The following NKAIN4 variants were observed in gnomAD, a reference collection of about 807,000 sequenced individuals.
NKAIN4 encodes sodium/potassium transporting ATPase interacting 4, also known as sodium/potassium-transporting ATPase subunit beta-1-interacting protein 4.
NKAIN4 carries 28 observed loss-of-function variants against 28.8 expected under a neutral mutation model. That is an observed-to-expected ratio of 0.97 (90% confidence interval 0.72 to 1.33). The LOEUF is 1.33. NKAIN4 is among the 40% of genes most tolerant of loss of function. The pLI is 0.00. For synonymous variants in NKAIN4, 122 were observed against 115.6 expected, an observed-to-expected ratio of 1.06 and a Z score of -0.36; for missense variants, 289 against 277.2, an observed-to-expected ratio of 1.04 and a Z score of -0.30.
At chr20:63,254,510 G>GCCCGCTCCC (rs1324967938), upstream of NKAIN4, 4 of 1,166,046 alleles carry the variant, frequency 3.4e-6, no homozygotes, top group East Asian at 1.3e-4. Context: ...CCCCCGCTCC[G>GCCCGCTCCC]CCCGCTCCCC....
At chr20:63,254,271 C>T in intron 1 of NKAIN4, 126 bp downstream of exon 1, 2 of 732,086 alleles carry the variant, frequency 2.7e-6, no homozygotes, top group South Asian at 3.2e-5. Flanking sequence ...CCGAGGCATC[C>T]CCCCTCGGAG....
rs985337548 is a variant in NKAIN4 at position 63,247,807 on chromosome 20, A to T, written c.274-32T>A. ...GAGAGGTGCAGGAGCAGGGCCGGTT[A>T]GCACCAGGAGGTGGGCGGCCTCACC... On this transcript the variant is annotated intron_variant, in intron 3 of 6. Transcript: ENST00000370316. 3 of 1,423,718 alleles carry T rather than the reference A, an allele frequency of 2.1e-6. No homozygotes were observed. In the African/African-American group the frequency reaches 4.3e-5, roughly 21 times the overall value. The allele number at this position is 1,423,718 out of a possible 1,614,324, so 88.2% of individuals were successfully genotyped here. A position where few individuals can be genotyped will look rare whatever the true frequency, so the allele number is the denominator to read the frequency against.
At position 63,248,899 on chromosome 20, in the gene NKAIN4, G is replaced by C. The variant is rs375729685; in HGVS notation, c.193-4C>G. On this transcript the variant is annotated splice_region_variant and splice_polypyrimidine_tract_variant and intron_variant, in intron 2 of 6. Transcript: ENST00000370316. ...AGACGGCTGCCCACAGCGTGTACTA[G>C]GGAGAGGAGAGGATGGGGCGGCAGC... 73 of 1,608,686 alleles carry C rather than the reference G, an allele frequency of 4.5e-5. No homozygotes were observed. Among genetic ancestry groups the C allele is most frequent in the Middle Eastern group, 1.6e-4 (1 of 6,078 alleles).
At chr20:63,249,504 T>C (rs2066919762) in intron 2 of NKAIN4, among the ~76,000 whole-genome samples, 1 of 152,160 alleles carries the variant, frequency 6.6e-6, no homozygotes, top group East Asian at 1.9e-4. Flanking sequence ...CAGAGAGACA[T>C]TTTTCTGAAC....
chr20:63,246,052 C>T (rs530694584), intron 4 of NKAIN4, among the ~76,000 whole-genome samples: 2 of 152,098 alleles, frequency 1.3e-5, no homozygotes, highest in East Asian at 1.9e-4. Flanking sequence ...TTCAGCCTCC[C>T]GAGGAGCTGG....
In NKAIN4 at chr20:63,254,387, C is replaced by A; in HGVS notation, c.54+10G>T. 2.1e-6 allele frequency: 3 copies of A among 1,449,640 alleles called. No individual in the cohort carries two copies. Among genetic ancestry groups the A allele is most frequent in the Non-Finnish European group, 2.7e-6 (3 of 1,102,748 alleles). The allele number at this position is 1,449,640 out of a possible 1,614,324, so 89.8% of individuals were successfully genotyped here. A position where few individuals can be genotyped will look rare whatever the true frequency, so the allele number is the denominator to read the frequency against. ...GGCTCCAGGAGGCTCGCGGAGGGGTCGCCACTCACCAGCTGAAAAGCGCAG... is the reference window on the plus strand; with the variant it reads ...GGCTCCAGGAGGCTCGCGGAGGGGTAGCCACTCACCAGCTGAAAAGCGCAG... On this transcript the variant is annotated intron_variant, in intron 1 of 6. Transcript: ENST00000370316.
Position 63,245,292 on chromosome 20 carries a change from G to A in NKAIN4, c.472-1208C>T, listed in dbSNP as rs1453551710. The stretch of plus-strand genomic sequence containing the variant: ...TGGTTCCATGCCACGGCCAGGGTGG[G>A]AGCAGCGGTGAGGGTGGGCAACCTC... On this transcript the variant is annotated intron_variant, in intron 4 of 6. Coordinates refer to ENST00000370316, the MANE Select transcript of NKAIN4 (RefSeq NM_152864.4). This position sits in a 1 kb window ranked among gnomAD's most constrained non-coding sequence, Gnocchi z 4.7. Among the ~76,000 whole-genome samples, 1 of 152,146 alleles carries A rather than the reference G, an allele frequency of 6.6e-6. No individual in the cohort carries two copies. Among genetic ancestry groups the A allele is most frequent in the Non-Finnish European group, 1.5e-5 (1 of 68,012 alleles).
intron 6 of NKAIN4, among the ~76,000 whole-genome samples, chr20:63,242,310 G>T (rs1416896521): frequency 1.3e-5 from 2 of 152,182 alleles, no homozygotes; most frequent in East Asian, 3.9e-4. Flanking sequence ...ATCTCTGCTG[G>T]GCTCTGAGCT....
chr20:63,247,470 G>A (rs866072421), intron 4 of NKAIN4, 108 bp downstream of exon 4: 19 of 1,547,258 alleles, frequency 1.2e-5, no homozygotes, highest in Admixed American at 1.2e-4. Flanking sequence ...GCAGAGACAC[G>A]CCTGAGGCCA....
In NKAIN4 at chr20:63,254,418, G is replaced by A; in HGVS notation, c.33C>T (p.Val11=). The A allele has an allele frequency of 2.1e-6, 3 of 1,445,428 alleles. No individual in the cohort carries two copies. Among genetic ancestry groups the A allele is most frequent in the East Asian group, 3.0e-5 (1 of 32,788 alleles). The allele number at this position is 1,445,428 out of a possible 1,614,324, so 89.5% of individuals were successfully genotyped here. The change falls in exon 1 of 7, where the codon GTC becomes GTT. Residue 11 remains valine (V), a synonymous_variant. Transcript: ENST00000370316. MGSCSGRCAL[V]VLCAFQLVAA... Reference sequence around the variant, plus strand: ...TCACCAGCTGAAAAGCGCAGAGGACGACGAGCGCGCAGCGGCCGGAGCAGG... The same window carrying A: ...TCACCAGCTGAAAAGCGCAGAGGACAACGAGCGCGCAGCGGCCGGAGCAGG...
In NKAIN4 at chr20:63,245,744, C is replaced by G. The variant is rs552254427; in HGVS notation, c.472-1660G>C. Among the ~76,000 whole-genome samples the G allele has an allele frequency of 6.6e-6, 1 of 152,140 alleles. No homozygotes were observed. The highest frequency in any genetic ancestry group is 1.5e-5 in the Non-Finnish European group (1 of 68,028). On this transcript the variant is annotated intron_variant, in intron 4 of 6. Transcript: ENST00000370316. This position sits in a 1 kb window ranked among gnomAD's most constrained non-coding sequence, Gnocchi z 4.7. Reference sequence around the variant, plus strand: ...GCAAACAGCAGGGGCGAGATCCTAGCGAGGACTAGCTGGCTGGAATTTAGA... The same window carrying G: ...GCAAACAGCAGGGGCGAGATCCTAGGGAGGACTAGCTGGCTGGAATTTAGA...
At chr20:63,246,077 G>A (rs766689294) in intron 4 of NKAIN4, among the ~76,000 whole-genome samples, 10 of 152,090 alleles carry the variant, frequency 6.6e-5, no homozygotes, top group Admixed American at 2.0e-4. Context: ...ACAGGCGCCC[G>A]CCACCACGCC....
chr20:63,242,956 G>A lies in NKAIN4; in HGVS notation c.533-333C>T, dbSNP rs563661945. ...TGTGGGGATGGCCTCGGGGGACAGT[G>A]GGGTCAGGACAGCCCGGGTCCTCCA... On this transcript the variant is annotated intron_variant, in intron 5 of 6. Transcript: ENST00000370316. 9.5e-4 allele frequency among the ~76,000 whole-genome samples: 144 copies of A among 151,610 alleles called. 2 individuals are homozygous for A. In the South Asian group the frequency reaches 0.028, roughly 29 times the overall value.
intron 4 of NKAIN4, chr20:63,247,334 T>C (rs2066877491): frequency 6.8e-7 from 1 of 1,465,324 alleles, no homozygotes; most frequent in African/African-American, 1.4e-5. Flanking sequence ...CACGCTCAAC[T>C]TGAGAAAGCG....
chr20:63,253,781 G>A (rs1425759007), intron 1 of NKAIN4, among the ~76,000 whole-genome samples: 1 of 152,108 alleles, frequency 6.6e-6, no homozygotes, highest in Non-Finnish European at 1.5e-5. Flanking sequence ...GCTGCGCCCC[G>A]GGCATCGGCT....
rs541229596 is a variant in NKAIN4 at position 63,242,708 on chromosome 20, A to C, written c.533-85T>G. The C allele has an allele frequency of 1.2e-5, 10 of 842,286 alleles. 1 individual carries two copies. Among genetic ancestry groups the C allele is most frequent in the South Asian group, 9.1e-5 (7 of 76,536 alleles). The allele number at this position is 842,286 out of a possible 1,614,324, so 52.2% of individuals were successfully genotyped here. ...GGAAAACAAGCCCAACCAGACAAAGAAGCCCAAGGGGTCCCTGGGGGCACA... is the reference window on the plus strand; with the variant it reads ...GGAAAACAAGCCCAACCAGACAAAGCAGCCCAAGGGGTCCCTGGGGGCACA... On this transcript the variant is annotated intron_variant, in intron 5 of 6. Transcript: ENST00000370316.
chr20:63,247,700 C>T lies in NKAIN4; in HGVS notation c.349G>A (p.Glu117Lys), dbSNP rs1159919664. Residue 117 changes from glutamate (E) to lysine (K), a missense_variant, in exon 4 of 7, where the codon GAG (glutamate) becomes AAG (lysine). Transcript: ENST00000370316. ...WRERWPGCLHEEVPAVGLGAP... is the reference protein window; with the variant it reads ...WRERWPGCLHKEVPAVGLGAP... ...CCGAGGCCCACTGCTGGCACCTCCT[C>T]ATGCAGACAGCCTGGCCAGCGCTCA... 5 of 1,530,392 alleles carry T rather than the reference C, an allele frequency of 3.3e-6. No homozygotes were observed. Among genetic ancestry groups the T allele is most frequent in the Non-Finnish European group, 4.4e-6 (5 of 1,137,116 alleles). The allele number at this position is 1,530,392 out of a possible 1,614,324, so 94.8% of individuals were successfully genotyped here.
At chr20:63,253,090 C>T (rs1379759772) in intron 1 of NKAIN4, 2 of 474,546 alleles carry the variant, frequency 4.2e-6, no homozygotes, top group Non-Finnish European at 5.5e-6. Context: ...AGGCTGGTGC[C>T]TGTCCTTCAT....
At chr20:63,251,193 C>T (rs1376839461) in intron 1 of NKAIN4, among the ~76,000 whole-genome samples, 1 of 151,948 alleles carries the variant, frequency 6.6e-6, no homozygotes, top group Non-Finnish European at 1.5e-5. Flanking sequence ...ACAGCTTACG[C>T]CATTATTTCT....
Sources: allele counts gnomAD v4.1 joint callset (sites outside exome capture counted in the v4.1 genomes callset), GRCh38; gene constraint gnomAD v4.1.1; non-coding constraint Gnocchi (gnomAD v3.1); transcripts MANE v1.5; gene names NCBI Gene and HGNC (gene_info 2026-07-23, HGNC 2026-07-21).